Variants in KHDRBS2 observed in about 807,000 individuals in gnomAD.
The protein encoded by KHDRBS2 is KH domain-containing, RNA-binding, signal transduction-associated protein 2.
In KHDRBS2, 26 loss-of-function variants were observed where a neutral mutation model predicts 44.3. The observed-to-expected ratio is 0.59, with a 90% confidence interval of 0.43 to 0.81. The LOEUF (loss-of-function observed/expected upper bound fraction) is 0.81. Ranked by LOEUF, KHDRBS2 falls within the 40% of genes least tolerant of loss-of-function variation. The pLI, the probability that KHDRBS2 is intolerant of heterozygous loss-of-function variation, is 0.00. For synonymous variants in KHDRBS2, 194 were observed against 151.1 expected, an observed-to-expected ratio of 1.28 and a Z score of -2.08; for missense variants, 476 against 433.1, an observed-to-expected ratio of 1.10 and a Z score of -0.88.
At chr6:62,069,425 T>A (rs1206847139) in intron 2 of KHDRBS2, among the ~76,000 whole-genome samples, 30 of 151,760 alleles carry the variant, frequency 2.0e-4, no homozygotes, top group South Asian at 2.1e-4. Context: ...GCTACAGGCC[T>A]CAATCTACAG....
intron 3 of KHDRBS2, among the ~76,000 whole-genome samples, chr6:62,022,995 T>A (rs995819374): frequency 2.0e-5 from 3 of 151,628 alleles, no homozygotes; most frequent in African/African-American, 7.2e-5. Context: ...CATTAAACTT[T>A]TAAAAGCTTG....
chr6:61,562,539 TTC>T, the KHDRBS2 span, among the ~76,000 whole-genome samples: 1 of 152,210 alleles, frequency 6.6e-6, no homozygotes, highest in Non-Finnish European at 1.5e-5. Context: ...AAGTACTTTA[TTC>T]TCTCTTTGAA....
intron 2 of KHDRBS2, among the ~76,000 whole-genome samples, chr6:62,052,142 C>T (rs551959975): frequency 1.3e-4 from 20 of 151,880 alleles, no homozygotes; most frequent in Non-Finnish European, 2.5e-4. Flanking sequence ...TGGGCATATA[C>T]CCAAAGGAAA....
At chr6:62,276,535 C>T (rs1840965848) in intron 1 of KHDRBS2, among the ~76,000 whole-genome samples, 1 of 152,186 alleles carries the variant, frequency 6.6e-6, no homozygotes, top group Non-Finnish European at 1.5e-5. Context: ...TCTGCCACCA[C>T]ATCACTAAGC....
intron 2 of KHDRBS2, among the ~76,000 whole-genome samples, chr6:62,140,316 T>A (rs1051235051): frequency 2.0e-5 from 3 of 152,128 alleles, no homozygotes; most frequent in Non-Finnish European, 4.4e-5. Context: ...AGACGGATAG[T>A]GGGAAGCAGT....
At chr6:61,991,654 T>C (rs1330129181) in intron 3 of KHDRBS2, among the ~76,000 whole-genome samples, 2 of 152,166 alleles carry the variant, frequency 1.3e-5, no homozygotes, top group Non-Finnish European at 2.9e-5. Context: ...TGAGTCTCAG[T>C]TGGCAGGGAG....
the KHDRBS2 span, among the ~76,000 whole-genome samples, chr6:61,617,420 C>G: frequency 9.7e-4 from 115 of 118,552 alleles, 3 homozygotes; most frequent in Non-Finnish European, 3.0e-4. Context: ...TTTTGATTAT[C>G]TTCTTTCTAA....
rs1773092930 is a variant in KHDRBS2 at position 61,978,152 on chromosome 6, C to T, written c.397G>A (p.Val133Ile). 7 of 1,610,926 alleles carry T rather than the reference C, an allele frequency of 4.3e-6. No homozygotes were observed. Among genetic ancestry groups the T allele is most frequent in the Admixed American group, 1.7e-5 (1 of 59,856 alleles). Reference sequence around the variant, plus strand: ...GGTGGAGCAAACACTTCAATTAATACATGAAGCTCATCACTCAAGTGGGCA... The same window carrying T: ...GGTGGAGCAAACACTTCAATTAATATATGAAGCTCATCACTCAAGTGGGCA... ...KYAHLSDELH[V>I]LIEVFAPPGE... is the part of the protein sequence containing the mutation. Residue 133 changes from valine to isoleucine, a missense_variant, in exon 4 of 9, where the codon GTA (valine) becomes ATA (isoleucine). Coordinates refer to ENST00000281156, the MANE Select transcript of KHDRBS2 (RefSeq NM_152688.4).
At chr6:61,794,246 G>C (rs917027658) in intron 6 of KHDRBS2, among the ~76,000 whole-genome samples, 7 of 152,036 alleles carry the variant, frequency 4.6e-5, no homozygotes, top group African/African-American at 1.7e-4. Flanking sequence ...AACAATCCTG[G>C]GAAGTACAAT....
chr6:61,700,543 A>T (rs1229928580), intron 7 of KHDRBS2, among the ~76,000 whole-genome samples: 2 of 151,506 alleles, frequency 1.3e-5, no homozygotes, highest in African/African-American at 4.9e-5. Flanking sequence ...TCTTCCATAG[A>T]TAAATGTTTA....
downstream of KHDRBS2, among the ~76,000 whole-genome samples, chr6:61,679,235 C>T (rs1471195481): frequency 6.6e-6 from 1 of 151,734 alleles, no homozygotes; most frequent in Non-Finnish European, 1.5e-5. Flanking sequence ...TTCTTTTTTT[C>T]CATCAAAATT....
chr6:61,871,767 CGAA>C (rs1051244738), intron 6 of KHDRBS2, among the ~76,000 whole-genome samples: 1 of 152,028 alleles, frequency 6.6e-6, no homozygotes, highest in Non-Finnish European at 1.5e-5. Flanking sequence ...GCTTCATAAG[CGAA>C]GGAGAAATAA....
At chr6:61,993,903 T>C (rs1776676809) in intron 3 of KHDRBS2, among the ~76,000 whole-genome samples, 1 of 151,994 alleles carries the variant, frequency 6.6e-6, no homozygotes, top group African/African-American at 2.4e-5. Context: ...GACTAAACTT[T>C]AGGAAATTGA....
intron 7 of KHDRBS2, among the ~76,000 whole-genome samples, chr6:61,701,402 G>T (rs367663290): frequency 5.9e-5 from 9 of 151,986 alleles, no homozygotes; most frequent in African/African-American, 1.9e-4. Context: ...TATTTCAATC[G>T]CAAGAGATAA....
intron 6 of KHDRBS2, among the ~76,000 whole-genome samples, chr6:61,763,640 A>C (rs1247949212): frequency 4.6e-5 from 7 of 152,148 alleles, no homozygotes; most frequent in African/African-American, 9.7e-5. Flanking sequence ...TATACAATGA[A>C]AGTACATGAG....
intron 1 of KHDRBS2, among the ~76,000 whole-genome samples, chr6:62,214,228 C>T (rs1187315810): frequency 6.6e-6 from 1 of 152,050 alleles, no homozygotes; most frequent in African/African-American, 2.4e-5. Context: ...ATACCCTTTA[C>T]TTTTTCAACC....
intron 2 of KHDRBS2, among the ~76,000 whole-genome samples, chr6:62,072,065 C>A (rs572642165): frequency 1.3e-5 from 2 of 152,004 alleles, no homozygotes; most frequent in East Asian, 3.9e-4. Context: ...ACATCCCTTG[C>A]AAGTTGGATT....
the KHDRBS2 span, among the ~76,000 whole-genome samples, chr6:61,551,303 C>G: frequency 6.6e-6 from 1 of 151,812 alleles, no homozygotes; most frequent in Non-Finnish European, 1.5e-5. Flanking sequence ...ATATTTTTTC[C>G]CATTTTGTAG....
chr6:61,645,945 A>T, the KHDRBS2 span, among the ~76,000 whole-genome samples: 4 of 152,112 alleles, frequency 2.6e-5, no homozygotes, highest in Admixed American at 6.6e-5. Context: ...AAACACATAT[A>T]TTTTTGTTCC....
Sources: gnomAD v4.1 joint callset for allele counts (sites outside exome capture counted in the v4.1 genomes callset) on GRCh38, gnomAD v4.1.1 for gene constraint, MANE v1.5 for transcripts, NCBI Gene and HGNC (gene_info 2026-07-23, HGNC 2026-07-21) for gene names.